FGD6: variants seen among roughly 807,000 people sequenced by gnomAD.
The protein encoded by FGD6 is FYVE, RhoGEF and PH domain-containing protein 6.
In FGD6, 90 loss-of-function variants were observed where a neutral mutation model predicts 149.4. The observed-to-expected ratio is 0.60, with a 90% CI of 0.51 to 0.72. The LOEUF (loss-of-function observed/expected upper bound fraction) is 0.72. FGD6 is among the 30% of genes least tolerant of loss of function. The probability of loss-of-function intolerance (pLI) is 0.00; values close to 1 mark genes in which losing one functional copy is unlikely to be tolerated. For synonymous variants in FGD6, 527 were observed against 584.0 expected (o/e 0.90, Z 1.41); for missense variants, 1,437 against 1,684.8 (o/e 0.85, Z 2.57).
Position 95,151,987 on chromosome 12 carries a change from C to T in FGD6, c.2685+824G>A, listed in dbSNP as rs180807991. ...GGAGTGCATGAGAAAAATGAATATGCACCCTGACACATATCATAATTCTTT... is the reference window on the plus strand; with the variant it reads ...GGAGTGCATGAGAAAAATGAATATGTACCCTGACACATATCATAATTCTTT... On this transcript the variant is annotated intron_variant, in intron 5 of 20. Transcript: ENST00000343958. 3.3e-5 allele frequency among the ~76,000 whole-genome samples: 5 copies of T among 152,176 alleles called. No individual in the cohort carries two copies. The East Asian group carries it at 5.8e-4, about 18-fold the overall frequency.
At chr12:95,141,291 C>T in intron 6 of FGD6, 97 bp downstream of exon 6, 1 of 1,235,828 alleles carries the variant, frequency 8.1e-7, no homozygotes, top group Admixed American at 2.2e-5. Flanking sequence ...TCAAACAACT[C>T]AATGTAATGA....
At chr12:95,135,173 C>A (rs1330159822) in intron 7 of FGD6, among the ~76,000 whole-genome samples, 1 of 152,144 alleles carries the variant, frequency 6.6e-6, no homozygotes, top group Middle Eastern at 3.2e-3. Flanking sequence ...TAAATACAAA[C>A]AAATCCCAAT....
At position 95,209,487 on chromosome 12, in the gene FGD6, G is replaced by C; in HGVS notation, c.1797C>G (p.Thr599=). Residue 599 remains threonine, a synonymous_variant, in exon 2 of 21, where the codon ACC becomes ACG. Coordinates refer to ENST00000343958, the MANE Select transcript of FGD6 (RefSeq NM_018351.4). The part of the protein sequence containing the change: ...SSNSEPSTAL[T]KPRAKSLSAM... The stretch of plus-strand genomic sequence containing the variant: ...CAGATAACGATTTTGCTCTGGGCTT[G>C]GTTAGGGCTGTTGAAGGCTCACTGT... 1 of 1,613,298 alleles carries C rather than the reference G, an allele frequency of 6.2e-7. No individual in the cohort carries two copies. The highest frequency in any genetic ancestry group is 8.5e-7 in the Non-Finnish European group (1 of 1,179,736).
In FGD6 at chr12:95,091,734, G is replaced by A. The variant is rs747135853; in HGVS notation, c.3823C>T (p.His1275Tyr). The A allele has an allele frequency of 3.1e-6, 5 of 1,613,328 alleles. No homozygotes were observed. The East Asian group carries it at 6.7e-5, about 22-fold the overall frequency. The change falls in exon 17 of 21, where the codon CAT (histidine) becomes TAT (tyrosine). Residue 1275 changes from histidine to tyrosine, a missense_variant. By Grantham distance (83) the His-to-Tyr change is moderately conservative. Around this residue, in one of 2 missense-constraint regions of FGD6, gnomAD observed 382 missense variants for 538.7 expected, o/e 0.71. Transcript: ENST00000343958. ...LKNQPARVCE[H>Y]CFQELQKLDH... ...AATTTCTGCAGTTCTTGGAAACAAT[G>A]TTCACATACTCTTGCTGGTTGATTT... is the stretch of plus-strand genomic sequence containing the variant.
At chr12:95,168,105 A>T (rs1345393085) in intron 3 of FGD6, among the ~76,000 whole-genome samples, 1 of 152,034 alleles carries the variant, frequency 6.6e-6, no homozygotes, top group Non-Finnish European at 1.5e-5. Flanking sequence ...GTGAAGTGAT[A>T]CTCGTGTAAA....
rs146134521 is a variant in FGD6, at chr12:95,185,230, T to C, written c.2442-12486A>G. 4.3e-3 allele frequency among the ~76,000 whole-genome samples: 651 copies of C among 152,304 alleles called. 5 individuals are homozygous for C. The highest frequency in any genetic ancestry group is 0.015 in the African/African-American group (615 of 41,570). On this transcript the variant is annotated intron_variant, in intron 2 of 20. Coordinates refer to ENST00000343958, the MANE Select transcript of FGD6 (RefSeq NM_018351.4). Reference sequence around the variant, plus strand: ...TTACACCAGTTACATTGCTGACTAGTTCTGTGTTTATTTTTAGCTTCTTTG... The same window carrying C: ...TTACACCAGTTACATTGCTGACTAGCTCTGTGTTTATTTTTAGCTTCTTTG...
rs369747337 is a variant in FGD6 at position 95,115,371 on chromosome 12, A to G, written c.3083-1670T>C. Reference sequence around the variant, plus strand: ...TCCTGCCTCTGCCTCCCAAATAGCTATGACTACTGGTGTGTGCCTCCATGT... The same window carrying G: ...TCCTGCCTCTGCCTCCCAAATAGCTGTGACTACTGGTGTGTGCCTCCATGT... On this transcript the variant is annotated intron_variant, in intron 8 of 20. Coordinates refer to ENST00000343958, the MANE Select transcript of FGD6 (RefSeq NM_018351.4). 1.4e-4 allele frequency among the ~76,000 whole-genome samples: 21 copies of G among 147,754 alleles called. No individual in the cohort carries two copies. In the East Asian group the frequency reaches 1.6e-3, roughly 11 times the overall value.
intron 3 of FGD6, among the ~76,000 whole-genome samples, chr12:95,158,949 G>A (rs1213872495): frequency 6.6e-6 from 1 of 151,960 alleles, no homozygotes; most frequent in Non-Finnish European, 1.5e-5. Context: ...AAACCATTCA[G>A]GGAACTGAAG....
chr12:95,077,754 A>G lies in FGD6; in HGVS notation c.*3766T>C, dbSNP rs1877542423. 6.6e-6 allele frequency: 1 copy of G among 152,232 alleles called. No homozygotes were observed. The highest frequency in any genetic ancestry group is 2.1e-4 in the South Asian group (1 of 4,834). 9.4% of individuals were successfully genotyped at this position (152,232 alleles called of 1,614,324 possible). A position where few individuals can be genotyped will look rare whatever the true frequency, so the allele number is the denominator to read the frequency against. ...GGAAAGGATACTTGAGTAATTGCAG[A>G]GTCTTGTTGAGAGTTAGAGGCAGAT... On this transcript the variant is annotated 3_prime_UTR_variant, in exon 21 of 21. Transcript: ENST00000343958.
Position 95,210,605 on chromosome 12 carries a change from G to T in FGD6, c.679C>A (p.Pro227Thr). The part of the protein sequence containing the change: ...QFRIEFADLS[P>T]SPSSFEKVPD... ...ACTTTTTCAAAGCTGGATGGGGAAG[G>T]TGACAAATCCGCAAATTCAATTCTG... is the stretch of plus-strand genomic sequence containing the variant. The change falls in exon 2 of 21, where the codon CCT becomes ACT. Residue 227 changes from proline to threonine, a missense_variant. This residue lies in a region of FGD6 where 1,055 missense variants were observed against 1,146.0 expected (regional missense o/e 0.92). Transcript: ENST00000343958. 6.2e-7 allele frequency: 1 copy of T among 1,614,206 alleles called. No individual in the cohort carries two copies.
At chr12:95,211,856 C>CA (rs1490187980) in intron 1 of FGD6, among the ~76,000 whole-genome samples, 1 of 152,038 alleles carries the variant, frequency 6.6e-6, no homozygotes, top group Non-Finnish European at 1.5e-5. Flanking sequence ...CTTTCATTGA[C>CA]AAAAAATGAG....
intron 8 of FGD6, among the ~76,000 whole-genome samples, chr12:95,130,106 T>C (rs538425051): frequency 6.6e-6 from 1 of 152,334 alleles, no homozygotes; most frequent in Non-Finnish European, 1.5e-5. Flanking sequence ...AGTGTTTTAC[T>C]ACCATGCAGG....
intron 2 of FGD6, among the ~76,000 whole-genome samples, chr12:95,198,430 C>T (rs7309080): frequency 0.25 from 37,255 of 151,948 alleles, 5,069 homozygotes; most frequent in African/African-American, 0.36. Flanking sequence ...TAAATCCAAG[C>T]GATTACTATT....
intron 14 of FGD6, among the ~76,000 whole-genome samples, chr12:95,100,082 T>A: frequency 7.8e-6 from 1 of 128,052 alleles, no homozygotes; most frequent in Non-Finnish European, 1.6e-5. Context: ...CCATATAAGT[T>A]CTTGACCTCA....
intron 8 of FGD6, among the ~76,000 whole-genome samples, chr12:95,130,214 C>T (rs1413922445): frequency 6.6e-6 from 1 of 152,184 alleles, no homozygotes; most frequent in African/African-American, 2.4e-5. Context: ...ACAGCAGTGA[C>T]AGACTGCTCT....
In FGD6 at chr12:95,215,831, A is replaced by G. The variant is rs535323868; in HGVS notation, c.16+1394T>C. On this transcript the variant is annotated intron_variant, in intron 1 of 20. Coordinates refer to ENST00000343958, the MANE Select transcript of FGD6 (RefSeq NM_018351.4). Reference sequence around the variant, plus strand: ...AGACTGGAATTGAAAACTGATACATATAAGACACGGTTATTTTAAATACAT... The same window carrying G: ...AGACTGGAATTGAAAACTGATACATGTAAGACACGGTTATTTTAAATACAT... Among the ~76,000 whole-genome samples, 213 of 152,356 alleles carry G rather than the reference A, an allele frequency of 1.4e-3. 1 individual carries two copies. Among genetic ancestry groups the G allele is most frequent in the South Asian group, 3.1e-3 (15 of 4,830 alleles).
rs960096183 is a variant in FGD6 at position 95,078,983 on chromosome 12, T to A, written c.*2537A>T. The A allele has an allele frequency of 2.6e-5, 4 of 152,216 alleles. No homozygotes were observed. Among genetic ancestry groups the A allele is most frequent in the African/African-American group, 9.6e-5 (4 of 41,464 alleles). 9.4% of individuals were successfully genotyped at this position (152,216 alleles called of 1,614,324 possible). On this transcript the variant is annotated 3_prime_UTR_variant, in exon 21 of 21. Coordinates refer to ENST00000343958, the MANE Select transcript of FGD6 (RefSeq NM_018351.4). ...GTATCCTTGGAATCTAGATACTACT[T>A]AACTTTTCTCCCCATTTATAGACTG... is the stretch of plus-strand genomic sequence containing the variant.
chr12:95,149,448 TAC>T (rs1021072400), intron 5 of FGD6, among the ~76,000 whole-genome samples: 88 of 130,646 alleles, frequency 6.7e-4, no homozygotes, highest in African/African-American at 2.4e-3. Flanking sequence ...TTATATATAA[TAC>T]ATAGTATATT....
chr12:95,200,979 A>G (rs954834194), intron 2 of FGD6, among the ~76,000 whole-genome samples: 1 of 152,176 alleles, frequency 6.6e-6, no homozygotes, highest in African/African-American at 2.4e-5. Context: ...TAGTTTCAAG[A>G]AAGTATTAAA....
Sources: allele counts gnomAD v4.1 joint callset (sites outside exome capture counted in the v4.1 genomes callset), GRCh38; gene constraint gnomAD v4.1.1; regional missense constraint gnomAD v4.1.1; transcripts MANE v1.5; gene names NCBI Gene and HGNC (gene_info 2026-07-23, HGNC 2026-07-21).